The following LMO7 variants were observed in gnomAD, a reference collection of about 807,000 sequenced individuals.
The protein encoded by LMO7 is LIM domain only protein 7.
A neutral mutation model predicts 206.5 loss-of-function variants in LMO7; 120 were observed. The observed-to-expected ratio is 0.58, with a 90% CI of 0.50 to 0.68. The LOEUF is 0.68. Among genes scored for constraint, LMO7 ranks in the 30% least tolerant of loss-of-function variants. The pLI, the probability that LMO7 is intolerant of heterozygous loss-of-function variation, is 0.00. For synonymous variants in LMO7, 706 were observed against 681.5 expected (o/e 1.04, Z -0.56); for missense variants, 1,959 against 1,957.9 (o/e 1.00, Z -0.01).
chr13:75,710,089 G>T (rs1255101420), intron 1 of LMO7, among the ~76,000 whole-genome samples: 1 of 152,130 alleles, frequency 6.6e-6, no homozygotes, highest in Non-Finnish European at 1.5e-5. Flanking sequence ...TGTCAGGTTT[G>T]TCAAAGATCA....
chr13:75,723,018 A>G (rs1001656964), intron 2 of LMO7, among the ~76,000 whole-genome samples: 19 of 152,078 alleles, frequency 1.2e-4, no homozygotes, highest in African/African-American at 4.1e-4. Context: ...GACTCGGGGG[A>G]AAGAGTGGGG....
intron 3 of LMO7, among the ~76,000 whole-genome samples, chr13:75,735,077 G>A (rs956367532): frequency 5.3e-5 from 8 of 150,592 alleles, no homozygotes; most frequent in East Asian, 2.0e-4. Flanking sequence ...CAGCCTGTGC[G>A]ACAGAGCGAG....
At chr13:75,680,971 G>T (rs1330665297) in intron 1 of LMO7, among the ~76,000 whole-genome samples, 2 of 151,864 alleles carry the variant, frequency 1.3e-5, no homozygotes. Flanking sequence ...CTTTTTTCGA[G>T]AAGTGTCTGT....
chr13:75,810,356 A>G (rs75313645), intron 11 of LMO7, among the ~76,000 whole-genome samples: 1,687 of 152,308 alleles, frequency 0.011, 19 homozygotes, highest in Non-Finnish European at 0.016. Context: ...ATAGCTTTTT[A>G]TAACTTTGAT....
intron 1 of LMO7, among the ~76,000 whole-genome samples, chr13:75,682,810 A>G (rs1434276591): frequency 2.6e-5 from 4 of 152,206 alleles, no homozygotes; most frequent in South Asian, 2.1e-4. Context: ...GTTTACTACA[A>G]TAAGAGCCTA....
At chr13:75,646,575 C>CT (rs72416416) in intron 1 of LMO7, among the ~76,000 whole-genome samples, 2,033 of 139,556 alleles carry the variant, frequency 0.015, 20 homozygotes, top group Non-Finnish European at 0.025. Context: ...GTAGAGAGAA[C>CT]TTTTTTTTTT....
chr13:75,742,745 T>C (rs186136924), intron 3 of LMO7, among the ~76,000 whole-genome samples: 25 of 152,346 alleles, frequency 1.6e-4, no homozygotes, highest in African/African-American at 5.8e-4. Flanking sequence ...AAGACTTGAA[T>C]GTAAAACCAC....
At chr13:75,676,059 G>A (rs2039990741) in intron 1 of LMO7, among the ~76,000 whole-genome samples, 1 of 152,210 alleles carries the variant, frequency 6.6e-6, no homozygotes, top group Non-Finnish European at 1.5e-5. Context: ...TATTTAGGAT[G>A]TTAGATGTAG....
At chr13:75,715,784 A>G (rs1475711317) in intron 2 of LMO7, among the ~76,000 whole-genome samples, 2 of 152,178 alleles carry the variant, frequency 1.3e-5, no homozygotes, top group Non-Finnish European at 2.9e-5. Flanking sequence ...GCACTCTGAA[A>G]TGATTAAGCA....
Position 75,823,766 on chromosome 13 carries a change from C to G in LMO7, c.2842C>G (p.Gln948Glu), listed in dbSNP as rs376108448. 5.6e-6 allele frequency: 9 copies of G among 1,614,092 alleles called. No individual in the cohort carries two copies. In the African/African-American group the frequency reaches 1.1e-4, roughly 19 times the overall value. ...CCCCTTCTCATCTCTTTCCCAAGAC[C>G]AGGCTGCCACTTCTAAAGCCACATT... is the stretch of plus-strand genomic sequence containing the variant. ...TSPFSSLSQD[Q>E]AATSKATLSS... is the part of the protein sequence containing the mutation. Residue 948 changes from glutamine to glutamate, a missense_variant, in exon 15 of 31, where the codon CAG becomes GAG. Transcript: ENST00000377534.
chr13:75,838,050 C>G (rs761966822), intron 19 of LMO7, 90 bp from the exon 20 acceptor site: 2 of 728,508 alleles, frequency 2.7e-6, no homozygotes, highest in Non-Finnish European at 4.7e-6. Flanking sequence ...AATATTGCTA[C>G]AGATTGGAAA....
At chr13:75,707,547 T>C (rs2042751107) in intron 1 of LMO7, among the ~76,000 whole-genome samples, 1 of 152,120 alleles carries the variant, frequency 6.6e-6, no homozygotes, top group Non-Finnish European at 1.5e-5. Context: ...GTGCCTGTCC[T>C]GTTGTCCTAG....
intron 4 of LMO7, among the ~76,000 whole-genome samples, chr13:75,781,807 A>C (rs2051489821): frequency 6.7e-6 from 1 of 148,496 alleles, no homozygotes; most frequent in African/African-American, 2.6e-5. Context: ...CTGACTTTTT[A>C]TGATTGCCAT....
Position 75,853,314 on chromosome 13 carries a change from G to A in LMO7, c.4587G>A (p.Val1529=), listed in dbSNP as rs1846150160. 3 of 1,613,988 alleles carry A rather than the reference G, an allele frequency of 1.9e-6. No homozygotes were observed. The highest frequency in any genetic ancestry group is 2.5e-6 in the Non-Finnish European group (3 of 1,179,976). Residue 1529 remains valine, a synonymous_variant, in exon 28 of 31, where the codon GTG becomes GTA. Transcript: ENST00000377534. The stretch of plus-strand genomic sequence containing the variant: ...CCGTGAAGACCTCCACCACAGGTGT[G>A]GCCACCACACAGTCCCCCACCCCGA... The part of the protein sequence containing the change: ...AGSVKTSTTG[V]ATTQSPTPRS...
At chr13:75,824,749 A>C (rs569295430) in intron 15 of LMO7, among the ~76,000 whole-genome samples, 11 of 152,242 alleles carry the variant, frequency 7.2e-5, no homozygotes, top group Admixed American at 5.2e-4. Context: ...CCTGCAAAAC[A>C]TTAAGTGTGT....
chr13:75,709,430 C>G (rs1447510888), intron 1 of LMO7, among the ~76,000 whole-genome samples: 1 of 151,698 alleles, frequency 6.6e-6, no homozygotes, highest in Non-Finnish European at 1.5e-5. Context: ...TAAAAGTGTT[C>G]CTATTTCTCC....
intron 1 of LMO7, among the ~76,000 whole-genome samples, chr13:75,710,944 A>G (rs956981596): frequency 5.9e-5 from 9 of 152,070 alleles, no homozygotes; most frequent in Admixed American, 5.2e-4. Flanking sequence ...TTTGTCATAG[A>G]TAGCTCTTAT....
chr13:75,727,647 T>C (rs2044608339), intron 3 of LMO7, among the ~76,000 whole-genome samples: 1 of 152,160 alleles, frequency 6.6e-6, no homozygotes, highest in East Asian at 1.9e-4. Flanking sequence ...TATTATACTT[T>C]AAGTTTTAGG....
chr13:75,729,620 T>G (rs1398321863), intron 3 of LMO7, among the ~76,000 whole-genome samples: 10 of 150,662 alleles, frequency 6.6e-5, no homozygotes, highest in Non-Finnish European at 1.3e-4. Context: ...ACCCTTTATT[T>G]CCTTCTCCTG....
Sources: allele counts gnomAD v4.1 joint callset (sites outside exome capture counted in the v4.1 genomes callset), GRCh38; gene constraint gnomAD v4.1.1; transcripts MANE v1.5; gene names NCBI Gene and HGNC (gene_info 2026-07-23, HGNC 2026-07-21).